UMAD1: variants seen among roughly 807,000 people sequenced by gnomAD.
UMAD1 encodes the protein UBAP1-MVB12-associated (UMA)-domain containing protein 1.
In UMAD1, 8 loss-of-function variants were observed where a neutral mutation model predicts 6.1. The observed-to-expected ratio is 1.30, with a 90% CI of 0.76 to 2.35. UMAD1 has a LOEUF of 2.35. Ranked by LOEUF, UMAD1 falls within the 30% of genes most tolerant of loss-of-function variation. The pLI is 0.00. For missense variants in UMAD1, 130 were observed against 78.4 expected (o/e 1.66, Z -2.49); for synonymous variants, 56 against 31.4 (o/e 1.78, Z -2.61).
chr7:7,702,435 A>T lies in UMAD1; in HGVS notation c.82+28982A>T, dbSNP rs150903017. 2.3e-3 allele frequency among the ~76,000 whole-genome samples: 345 copies of T among 152,240 alleles called. 5 individuals are homozygous for T. The highest frequency in any genetic ancestry group is 7.8e-3 in the African/African-American group (325 of 41,556). On this transcript the variant is annotated intron_variant, in intron 2 of 3. Coordinates refer to ENST00000682710, the MANE Select transcript of UMAD1 (RefSeq NM_001302348.2). ...GAAGGAGTCTATGGACTATAATACGAAAATTCTGGTTGGGGAGGCAGGAAA... is the reference window on the plus strand; with the variant it reads ...GAAGGAGTCTATGGACTATAATACGTAAATTCTGGTTGGGGAGGCAGGAAA...
intron 3 of UMAD1, among the ~76,000 whole-genome samples, chr7:7,843,456 G>A (rs951228242): frequency 6.6e-6 from 1 of 152,144 alleles, no homozygotes; most frequent in African/African-American, 2.4e-5. Flanking sequence ...AGAGCTTTGT[G>A]TACCTCCCTG....
rs1052457026 is a variant in UMAD1, at chr7:7,660,506, A to G, written c.-63-12803A>G. 5.3e-5 allele frequency among the ~76,000 whole-genome samples: 8 copies of G among 152,310 alleles called. No homozygotes were observed. The South Asian group carries it at 8.3e-4, about 16-fold the overall frequency. Reference sequence around the variant, plus strand: ...TTGTAAGGCAGGCCTCATGGTGACAAAATCTCTCAGCATTTGCTTGTTTGT... The same window carrying G: ...TTGTAAGGCAGGCCTCATGGTGACAGAATCTCTCAGCATTTGCTTGTTTGT... On this transcript the variant is annotated intron_variant, in intron 1 of 3. Transcript: ENST00000682710.
intron 2 of UMAD1, among the ~76,000 whole-genome samples, chr7:7,798,400 T>C (rs1782729468): frequency 6.6e-6 from 1 of 152,196 alleles, no homozygotes; most frequent in Non-Finnish European, 1.5e-5. Flanking sequence ...TTTTACATCT[T>C]GTAAAATTGT....
intron 3 of UMAD1, among the ~76,000 whole-genome samples, chr7:7,834,291 G>C (rs1783523699): frequency 3.9e-5 from 6 of 152,034 alleles, no homozygotes; most frequent in Admixed American, 3.9e-4. Context: ...CCAAAGTGCT[G>C]AGATTATAGG....
intron 1 of UMAD1, among the ~76,000 whole-genome samples, chr7:7,666,409 C>T (rs1282166415): frequency 2.0e-5 from 3 of 151,918 alleles, no homozygotes; most frequent in Non-Finnish European, 2.9e-5. Flanking sequence ...GGTTTTGCCA[C>T]GTTGCCCAGG....
At chr7:7,810,482 A>T (rs897627104) in intron 3 of UMAD1, among the ~76,000 whole-genome samples, 2 of 152,180 alleles carry the variant, frequency 1.3e-5, no homozygotes, top group African/African-American at 4.8e-5. Flanking sequence ...AATAAAATAT[A>T]CAGATATAGT....
chr7:7,827,817 CT>C (rs968978769), intron 3 of UMAD1, among the ~76,000 whole-genome samples: 1 of 152,132 alleles, frequency 6.6e-6, no homozygotes, highest in Non-Finnish European at 1.5e-5. Context: ...ACAATTCTGC[CT>C]TTTAATGAAA....
At chr7:7,678,550 T>C (rs1316380097) in intron 2 of UMAD1, among the ~76,000 whole-genome samples, 3 of 138,138 alleles carry the variant, frequency 2.2e-5, no homozygotes, top group Non-Finnish European at 3.1e-5. Context: ...TATAGATAAA[T>C]ATATATTTAT....
rs142772655 is a variant in UMAD1, at chr7:7,756,626, C to G, written c.83-45044C>G. Among the ~76,000 whole-genome samples the G allele has an allele frequency of 8.1e-4, 124 of 152,288 alleles. No homozygotes were observed. In the East Asian group the frequency reaches 0.02, roughly 25 times the overall value. On this transcript the variant is annotated intron_variant, in intron 2 of 3. Transcript: ENST00000682710. ...TGCTGGTCACTATTGTCTCCCACAT[C>G]ATGGGTTGCTTTTTACTAGATGTCT...
intron 1 of UMAD1, among the ~76,000 whole-genome samples, chr7:7,662,311 C>G (rs1709706314): frequency 6.6e-6 from 1 of 152,104 alleles, no homozygotes; most frequent in Non-Finnish European, 1.5e-5. Context: ...CTTTCCAGGG[C>G]AGTGAATGGT....
chr7:7,826,907 C>G (rs1468610957), intron 3 of UMAD1, among the ~76,000 whole-genome samples: 2 of 151,978 alleles, frequency 1.3e-5, no homozygotes, highest in Admixed American at 1.3e-4. Context: ...ATGGATCATT[C>G]AATTCAAAAT....
chr7:7,674,519 A>G (rs551150614), intron 2 of UMAD1, among the ~76,000 whole-genome samples: 4 of 152,332 alleles, frequency 2.6e-5, no homozygotes, highest in African/African-American at 7.2e-5. Flanking sequence ...GGACAGGAGC[A>G]GTAGCTGGGA....
At chr7:7,645,724 T>A (rs777198976) in intron 1 of UMAD1, among the ~76,000 whole-genome samples, 19 of 152,228 alleles carry the variant, frequency 1.2e-4, no homozygotes, top group Non-Finnish European at 2.4e-4. Context: ...TTTTTCAGTG[T>A]TTGAACCAAG....
At chr7:7,646,924 A>G (rs1349386115) in intron 1 of UMAD1, among the ~76,000 whole-genome samples, 2 of 152,128 alleles carry the variant, frequency 1.3e-5, no homozygotes, top group African/African-American at 4.8e-5. Context: ...GGGTGCAAAA[A>G]CAGCCTGTTC....
At chr7:7,658,384 G>A (rs1007260389) in intron 1 of UMAD1, among the ~76,000 whole-genome samples, 2 of 152,216 alleles carry the variant, frequency 1.3e-5, no homozygotes, top group African/African-American at 2.4e-5. Context: ...TCCTTGCCTT[G>A]TGCCAGTTTT....
At chr7:7,649,754 C>T (rs1223742213) in intron 1 of UMAD1, among the ~76,000 whole-genome samples, 1 of 151,812 alleles carries the variant, frequency 6.6e-6, no homozygotes, top group African/African-American at 2.4e-5. Context: ...CTCCCCCCAC[C>T]CAATTCATAT....
chr7:7,683,437 G>A (rs542548006), intron 2 of UMAD1, among the ~76,000 whole-genome samples: 65 of 152,122 alleles, frequency 4.3e-4, no homozygotes, highest in Non-Finnish European at 4.9e-4. Context: ...AATGTGTTGA[G>A]ACACTTTGAA....
chr7:7,776,718 T>C (rs914582439), intron 2 of UMAD1, among the ~76,000 whole-genome samples: 1 of 152,320 alleles, frequency 6.6e-6, no homozygotes, highest in African/African-American at 2.4e-5. Context: ...CAATTTAACA[T>C]TGTATTGTTG....
chr7:7,767,128 C>CT lies in UMAD1; in HGVS notation c.83-34528dup, dbSNP rs71014711. ...AGTGAGCATTTCAAGAAATTAAGCTCTTTTTTTTTTTTTTGAGACGGACTC... is the reference window on the plus strand; with the variant it reads ...AGTGAGCATTTCAAGAAATTAAGCTCTTTTTTTTTTTTTTTGAGACGGACTC... On this transcript the variant is annotated intron_variant, in intron 2 of 3. Coordinates refer to ENST00000682710, the MANE Select transcript of UMAD1 (RefSeq NM_001302348.2). Among the ~76,000 whole-genome samples the CT allele has an allele frequency of 2.0e-3, 254 of 129,772 alleles. 11 individuals carry two copies. In the South Asian group the frequency reaches 0.021, roughly 11 times the overall value. The allele number at this position is 129,772 out of a possible 152,430, so 85.1% of individuals were successfully genotyped here. A position where few individuals can be genotyped will look rare whatever the true frequency, so the allele number is the denominator to read the frequency against.
Sources: allele counts gnomAD v4.1 joint callset (sites outside exome capture counted in the v4.1 genomes callset), GRCh38; gene constraint gnomAD v4.1.1; transcripts MANE v1.5; gene names NCBI Gene and HGNC (gene_info 2026-07-23, HGNC 2026-07-21).